The following ABCF1 variants were observed in gnomAD, a reference collection of about 807,000 sequenced individuals.
ABCF1 encodes ATP binding cassette subfamily F member 1.
Under a neutral mutation model 126.3 loss-of-function variants are expected in ABCF1, and 73 were observed. The observed-to-expected ratio is 0.58, with a 90% CI of 0.48 to 0.70. The LOEUF (loss-of-function observed/expected upper bound fraction) is 0.70, where lower values mean the gene tolerates loss of function less well. Ranked by LOEUF, ABCF1 falls within the 30% of genes least tolerant of loss-of-function variation. ABCF1 has a pLI of 0.00. For missense variants in ABCF1, 786 were observed against 1,057.5 expected, an observed-to-expected ratio of 0.74 and a Z score of 3.56; for synonymous variants, 345 against 396.4, an observed-to-expected ratio of 0.87 and a Z score of 1.54.
chr6:30,583,508 GA>G lies in ABCF1; in HGVS notation c.916-99del. Reference sequence around the variant, plus strand: ...TTATGCTGGAGGTAGCGGTTTGTCAGAGGCTTCCCTGCAGGGAGAAAGTGGC... The same window carrying G: ...TTATGCTGGAGGTAGCGGTTTGTCAGGGCTTCCCTGCAGGGAGAAAGTGGC... On this transcript the variant is annotated intron_variant, in intron 10 of 24. Transcript: ENST00000326195. This position sits in a 1 kb window ranked among gnomAD's most constrained non-coding sequence, Gnocchi z 4.1. The G allele has an allele frequency of 1.6e-6, 2 of 1,284,580 alleles. No homozygotes were observed. Among genetic ancestry groups the G allele is most frequent in the Non-Finnish European group, 2.2e-6 (2 of 894,570 alleles). The allele number at this position is 1,284,580 out of a possible 1,614,324, so 79.6% of individuals were successfully genotyped here. A position where few individuals can be genotyped will look rare whatever the true frequency, so the allele number is the denominator to read the frequency against.
In ABCF1 at chr6:30,584,162, C is replaced by G. The variant is rs1801982498; in HGVS notation, c.1103-30C>G. On this transcript the variant is annotated intron_variant, in intron 12 of 24. Transcript: ENST00000326195. This position sits in a 1 kb window ranked among gnomAD's most constrained non-coding sequence, Gnocchi z 4.6. Reference sequence around the variant, plus strand: ...AAGATGAGACTCTTGGCTCTTGAGGCTGCCTGACTGTTCTCCCTCTGCCTC... The same window carrying G: ...AAGATGAGACTCTTGGCTCTTGAGGGTGCCTGACTGTTCTCCCTCTGCCTC... The G allele has an allele frequency of 6.3e-7, 1 of 1,597,708 alleles. No homozygotes were observed. Among genetic ancestry groups the G allele is most frequent in the Admixed American group, 1.7e-5 (1 of 58,658 alleles).
Position 30,586,299 on chromosome 6 carries a change from C to T in ABCF1, c.1879C>T (p.Leu627=). 6.2e-7 allele frequency: 1 copy of T among 1,606,818 alleles called. No individual in the cohort carries two copies. The highest frequency in any genetic ancestry group is 8.5e-7 in the Non-Finnish European group (1 of 1,176,312). Residue 627 remains leucine, a synonymous_variant, in exon 18 of 25, where the codon CTG becomes TTG. Transcript: ENST00000326195. The surrounding 1 kb of genome is among the most constrained non-coding windows in gnomAD (Gnocchi z 4.9). ...ACCACTCAGCCCTCCAGTGCTGGGT[C>T]TGCATGGTGAGTGCCGCGGGCCTCT... ...PPPLSPPVLG[L]HGVTFGYQGQ... is the part of the protein sequence containing the mutation.
rs1561799053 is a variant in ABCF1 at position 30,586,355 on chromosome 6, A to G, written c.1885+50A>G. On this transcript the variant is annotated intron_variant, in intron 18 of 24. Transcript: ENST00000326195. This position sits in a 1 kb window ranked among gnomAD's most constrained non-coding sequence, Gnocchi z 4.9. The stretch of plus-strand genomic sequence containing the variant: ...TCCACAGGAAGCACCGGAAGCATGT[A>G]TGTGCACCCTAAATTCTCCACCAAG... 2 of 1,601,966 alleles carry G rather than the reference A, an allele frequency of 1.2e-6. No individual in the cohort carries two copies. Among genetic ancestry groups the G allele is most frequent in the East Asian group, 2.2e-5 (1 of 44,772 alleles).
intron 8 of ABCF1, among the ~76,000 whole-genome samples, chr6:30,581,477 C>T (rs910898917): frequency 5.2e-4 from 74 of 143,574 alleles, no homozygotes; most frequent in African/African-American, 1.9e-3. Flanking sequence ...AATCTCAGCT[C>T]ACTGCAACCT....
In ABCF1 at chr6:30,577,854, G is replaced by A. The variant is rs751151778; in HGVS notation, c.157G>A (p.Gly53Arg). The change falls in exon 3 of 25, where the codon GGG (glycine) becomes AGG (arginine). Residue 53 changes from glycine (G) to arginine (R), a missense_variant. By Grantham distance (125) the Gly-to-Arg change is moderately radical. Coordinates refer to ENST00000326195, the MANE Select transcript of ABCF1 (RefSeq NM_001025091.2). ...EELAVEDKQA[G>R]EEEKVLKEKE... ...GCTGGCAGTAGAAGATAAACAGGCTGGGGAAGAAGAGAAAGTGCTCAAGGA... is the reference window on the plus strand; with the variant it reads ...GCTGGCAGTAGAAGATAAACAGGCTAGGGAAGAAGAGAAAGTGCTCAAGGA... The A allele has an allele frequency of 2.7e-5, 43 of 1,613,832 alleles. No individual in the cohort carries two copies. The highest frequency in any genetic ancestry group is 3.5e-5 in the Non-Finnish European group (41 of 1,180,032).
Position 30,578,130 on chromosome 6 carries a change from G to A in ABCF1, c.271G>A (p.Asp91Asn), listed in dbSNP as rs143964760. 1.9e-6 allele frequency: 3 copies of A among 1,614,162 alleles called. No individual in the cohort carries two copies. The highest frequency in any genetic ancestry group is 2.2e-5 in the South Asian group (2 of 91,084). The change falls in exon 4 of 25, where the codon GAT becomes AAT. Residue 91 changes from aspartate (D) to asparagine (N), a missense_variant. Transcript: ENST00000326195. ...CAGGCGGAAGAAGGATGTGGATGATGATGGAGAAGAGAAAGAGCTCATGGA... is the reference window on the plus strand; with the variant it reads ...CAGGCGGAAGAAGGATGTGGATGATAATGGAGAAGAGAAAGAGCTCATGGA... ...KGRRKKDVDDDGEEKELMERL... is the reference protein window; with the variant it reads ...KGRRKKDVDDNGEEKELMERL...
At chr6:30,575,425 G>A (rs1466655802) in intron 1 of ABCF1, among the ~76,000 whole-genome samples, 1 of 151,664 alleles carries the variant, frequency 6.6e-6, no homozygotes, top group Non-Finnish European at 1.5e-5. Flanking sequence ...TTAGATAGCA[G>A]TGAATGGAAG....
rs1477735727 is a variant in ABCF1, at chr6:30,583,482, A to T, written c.916-126A>T. 4 of 1,033,238 alleles carry T rather than the reference A, an allele frequency of 3.9e-6. No homozygotes were observed. The highest frequency in any genetic ancestry group is 5.9e-6 in the Non-Finnish European group (4 of 682,494). The allele number at this position is 1,033,238 out of a possible 1,614,324, so 64.0% of individuals were successfully genotyped here. On this transcript the variant is annotated intron_variant, in intron 10 of 24. Coordinates refer to ENST00000326195, the MANE Select transcript of ABCF1 (RefSeq NM_001025091.2). This position sits in a 1 kb window ranked among gnomAD's most constrained non-coding sequence, Gnocchi z 4.1. Reference sequence around the variant, plus strand: ...GACCGGCTGTGGGGAGAGGAAGGGGATTATGCTGGAGGTAGCGGTTTGTCA... The same window carrying T: ...GACCGGCTGTGGGGAGAGGAAGGGGTTTATGCTGGAGGTAGCGGTTTGTCA...
chr6:30,575,955 T>C (rs547094631), intron 1 of ABCF1, among the ~76,000 whole-genome samples: 1 of 151,950 alleles, frequency 6.6e-6, no homozygotes, highest in East Asian at 2.0e-4. Context: ...TTGCCTGTAG[T>C]CCTAGCTACT....
At chr6:30,580,756 C>T (rs1008457801) in intron 8 of ABCF1, among the ~76,000 whole-genome samples, 1 of 152,110 alleles carries the variant, frequency 6.6e-6, no homozygotes, top group Non-Finnish European at 1.5e-5. Context: ...TCACTGAAGC[C>T]TCAACCTCCT....
rs555993008 is a variant in ABCF1, at chr6:30,575,942, C to T, written c.74-1467C>T. On this transcript the variant is annotated intron_variant, in intron 1 of 24. Coordinates refer to ENST00000326195, the MANE Select transcript of ABCF1 (RefSeq NM_001025091.2). Reference sequence around the variant, plus strand: ...TTTTTTAATTAGGCAGGCATGGTGGCGCTTGCCTGTAGTCCTAGCTACTCA... The same window carrying T: ...TTTTTTAATTAGGCAGGCATGGTGGTGCTTGCCTGTAGTCCTAGCTACTCA... Among the ~76,000 whole-genome samples, 59 of 151,906 alleles carry T rather than the reference C, an allele frequency of 3.9e-4. No homozygotes were observed. The Middle Eastern group carries it at 0.014, about 35-fold the overall frequency.
In ABCF1 at chr6:30,576,276, C is replaced by CTTTTTTTTTTTTT. The variant is rs9256927; in HGVS notation, c.74-1116_74-1104dup. ...AACACAGGAGTCATCTCTGAGTGCT[C>CTTTTTTTTTTTTT]TTTTTTTTTTTTTTTTTTTTTTTTT... On this transcript the variant is annotated intron_variant, in intron 1 of 24. Transcript: ENST00000326195. Among the ~76,000 whole-genome samples, 10 of 44,160 alleles carry CTTTTTTTTTTTTT rather than the reference C, an allele frequency of 2.3e-4. 2 individuals carry two copies. The highest frequency in any genetic ancestry group is 1.9e-4 in the Non-Finnish European group (5 of 25,670). The allele number at this position is 44,160 out of a possible 152,430, so 29.0% of individuals were successfully genotyped here.
At chr6:30,587,966 G>A (rs145589994) in intron 20 of ABCF1, among the ~76,000 whole-genome samples, 3,383 of 151,638 alleles carry the variant, frequency 0.022, 94 homozygotes, top group East Asian at 0.069. Flanking sequence ...GCAGTGGTGC[G>A]ATCTTGGCCC....
chr6:30,584,683 C>T lies in ABCF1; in HGVS notation c.1391+117C>T. 2.2e-6 allele frequency: 3 copies of T among 1,336,106 alleles called. No homozygotes were observed. Among genetic ancestry groups the T allele is most frequent in the Non-Finnish European group, 3.0e-6 (3 of 990,400 alleles). The allele number at this position is 1,336,106 out of a possible 1,614,324, so 82.8% of individuals were successfully genotyped here. A position where few individuals can be genotyped will look rare whatever the true frequency, so the allele number is the denominator to read the frequency against. On this transcript the variant is annotated intron_variant, in intron 14 of 24. Transcript: ENST00000326195. The surrounding 1 kb of genome is among the most constrained non-coding windows in gnomAD (Gnocchi z 4.6). Reference sequence around the variant, plus strand: ...GAGGCTCAAGGCTTACCTCTCCCTCCTTACTATCTGTGTTGTGAGAACTTA... The same window carrying T: ...GAGGCTCAAGGCTTACCTCTCCCTCTTTACTATCTGTGTTGTGAGAACTTA...
chr6:30,579,184 C>G (rs1801672964), intron 6 of ABCF1, among the ~76,000 whole-genome samples: 1 of 152,112 alleles, frequency 6.6e-6, no homozygotes, highest in African/African-American at 2.4e-5. Context: ...AGTGCTAGTG[C>G]CACTCACTCT....
rs141769456 is a variant in ABCF1, at chr6:30,586,067, C to T, written c.1714-67C>T. 2.0e-3 allele frequency: 3,257 copies of T among 1,591,344 alleles called. 52 individuals are homozygous for T. In the African/African-American group the frequency reaches 0.037, roughly 18 times the overall value. On this transcript the variant is annotated intron_variant, in intron 17 of 24. Coordinates refer to ENST00000326195, the MANE Select transcript of ABCF1 (RefSeq NM_001025091.2). The surrounding 1 kb of genome is among the most constrained non-coding windows in gnomAD (Gnocchi z 4.9). ...GTGGAGGAAGAAGGAGACTCTGGAA[C>T]GCTGGCCTACATTTCAAGGACTGCC...
chr6:30,585,790 G>A, intron 16 of ABCF1, 89 bp from the exon 17 acceptor site: 1 of 1,563,976 alleles, frequency 6.4e-7, no homozygotes, highest in Non-Finnish European at 8.7e-7. Context: ...TCCAGACAGT[G>A]ATGCCTACCC....
chr6:30,579,550 C>A (rs1014691818), intron 6 of ABCF1, among the ~76,000 whole-genome samples: 5 of 151,530 alleles, frequency 3.3e-5, no homozygotes, highest in Admixed American at 3.3e-4. Flanking sequence ...CTCCGCCTCC[C>A]GGGTTCAAGT....
intron 4 of ABCF1, 31 bp downstream of exon 4, chr6:30,578,233 G>T: frequency 6.2e-7 from 1 of 1,613,668 alleles, no homozygotes; most frequent in South Asian, 1.1e-5. Context: ...TGGGTACCTG[G>T]AATCCATGAG....
Sources: allele counts gnomAD v4.1 joint callset (sites outside exome capture counted in the v4.1 genomes callset), GRCh38; gene constraint gnomAD v4.1.1; non-coding constraint Gnocchi (gnomAD v3.1); transcripts MANE v1.5; gene names NCBI Gene and HGNC (gene_info 2026-07-23, HGNC 2026-07-21).